Variants in DLGAP1 observed in about 807,000 individuals in gnomAD.
DLGAP1 encodes the protein DLG associated protein 1.
A neutral mutation model predicts 90.8 loss-of-function variants in DLGAP1; 11 were observed. The observed-to-expected ratio is 0.12, with a 90% CI of 0.08 to 0.20. DLGAP1 has a LOEUF of 0.20. DLGAP1 is among the 10% of genes least tolerant of loss of function. DLGAP1 has a pLI of 1.00. For synonymous variants in DLGAP1, 558 were observed against 540.7 expected, an observed-to-expected ratio of 1.03 and a Z score of -0.44; for missense variants, 1,050 against 1,333.8, an observed-to-expected ratio of 0.79 and a Z score of 3.31.
chr18:4,416,222 TC>T (rs1026641017), intron 1 of DLGAP1, among the ~76,000 whole-genome samples: 2 of 152,168 alleles, frequency 1.3e-5, no homozygotes, highest in African/African-American at 4.8e-5. Context: ...ATATTATCTA[TC>T]CTGTCATTAT....
At chr18:4,106,882 A>C (rs2075878268) in intron 2 of DLGAP1, among the ~76,000 whole-genome samples, 1 of 152,250 alleles carries the variant, frequency 6.6e-6, no homozygotes, top group South Asian at 2.1e-4. Context: ...AGAGCTGTCC[A>C]GTGTGCCAAT....
At chr18:4,272,711 G>A (rs1025094377) in intron 1 of DLGAP1, among the ~76,000 whole-genome samples, 3 of 152,198 alleles carry the variant, frequency 2.0e-5, no homozygotes, top group Non-Finnish European at 4.4e-5. Context: ...ACGGGAAAGC[G>A]TTTTATAGTG....
At chr18:3,888,567 A>G (rs78199521) in intron 3 of DLGAP1, among the ~76,000 whole-genome samples, 1 of 151,790 alleles carries the variant, frequency 6.6e-6, no homozygotes, top group Non-Finnish European at 1.5e-5. Context: ...AAAAAAAAAA[A>G]CCAACGACTC....
chr18:4,125,548 G>C (rs2076219659), intron 2 of DLGAP1, among the ~76,000 whole-genome samples: 1 of 152,184 alleles, frequency 6.6e-6, no homozygotes, highest in Non-Finnish European at 1.5e-5. Context: ...GAATAGTGGA[G>C]ACTCAAGAGG....
chr18:3,761,268 C>A (rs966012180), intron 5 of DLGAP1, among the ~76,000 whole-genome samples: 49 of 152,196 alleles, frequency 3.2e-4, no homozygotes, highest in African/African-American at 1.2e-3. Context: ...CAGCCTCTGG[C>A]AACCAACATT....
At chr18:3,501,495 G>C (rs918422367) in intron 12 of DLGAP1, among the ~76,000 whole-genome samples, 2 of 152,162 alleles carry the variant, frequency 1.3e-5, no homozygotes, top group African/African-American at 2.4e-5. Context: ...ACAGTGATGA[G>C]AGCATCACCC....
intron 7 of DLGAP1, among the ~76,000 whole-genome samples, chr18:3,666,908 C>T (rs1010854662): frequency 6.8e-6 from 1 of 147,158 alleles, no homozygotes; most frequent in African/African-American, 2.5e-5. Flanking sequence ...AGGCGCCCAC[C>T]ACTACACCCT....
chr18:4,115,701 T>C (rs1454429960), intron 2 of DLGAP1, among the ~76,000 whole-genome samples: 1 of 152,144 alleles, frequency 6.6e-6, no homozygotes, highest in Non-Finnish European at 1.5e-5. Flanking sequence ...TTAGCCAGGA[T>C]GGTCTCAATT....
intron 12 of DLGAP1, among the ~76,000 whole-genome samples, chr18:3,501,127 A>T (rs1179115634): frequency 6.6e-6 from 1 of 151,792 alleles, no homozygotes; most frequent in African/African-American, 2.4e-5. Flanking sequence ...ATTGTTGCCC[A>T]GGCTGGTTTT....
chr18:3,858,426 T>C (rs2069787399), intron 4 of DLGAP1, among the ~76,000 whole-genome samples: 1 of 151,466 alleles, frequency 6.6e-6, no homozygotes, highest in South Asian at 2.1e-4. Context: ...ATATACTTAG[T>C]GCTCACAAGT....
At chr18:3,756,793 T>C (rs2063734649) in intron 5 of DLGAP1, among the ~76,000 whole-genome samples, 1 of 151,366 alleles carries the variant, frequency 6.6e-6, no homozygotes, top group Admixed American at 6.6e-5. Context: ...CATCAGAAAG[T>C]AAAAAGATTG....
intron 7 of DLGAP1, among the ~76,000 whole-genome samples, chr18:3,600,040 C>A (rs2056810266): frequency 6.6e-6 from 1 of 151,974 alleles, no homozygotes; most frequent in Non-Finnish European, 1.5e-5. Flanking sequence ...CCACTTTAGC[C>A]TCCGGAACAG....
In DLGAP1 at chr18:3,831,732, C is replaced by T. The variant is rs558667917; in HGVS notation, c.958-17459G>A. On this transcript the variant is annotated intron_variant, in intron 4 of 12. Coordinates refer to ENST00000315677, the MANE Select transcript of DLGAP1 (RefSeq NM_004746.4). ...ATCTCCTTTGGCCCATTGCACTTTC[C>T]CAGTTCATCACACTGCAACTATTTA... 1.1e-4 allele frequency among the ~76,000 whole-genome samples: 17 copies of T among 152,274 alleles called. No individual in the cohort carries two copies. In the South Asian group the frequency reaches 3.5e-3, roughly 32 times the overall value.
chr18:3,833,876 AT>A (rs1481976381), intron 4 of DLGAP1, among the ~76,000 whole-genome samples: 1 of 152,232 alleles, frequency 6.6e-6, no homozygotes, highest in Non-Finnish European at 1.5e-5. Flanking sequence ...TAAAAATTCT[AT>A]TGTTGCATTA....
chr18:3,513,976 G>A (rs2050685955), intron 10 of DLGAP1, among the ~76,000 whole-genome samples: 1 of 152,188 alleles, frequency 6.6e-6, no homozygotes, highest in Admixed American at 6.5e-5. Flanking sequence ...CAGTGTGCTG[G>A]TGATCTTTTT....
At chr18:3,813,403 G>A (rs1027562873) in intron 5 of DLGAP1, among the ~76,000 whole-genome samples, 3 of 152,144 alleles carry the variant, frequency 2.0e-5, no homozygotes, top group African/African-American at 7.2e-5. Flanking sequence ...TTTTGTAAGT[G>A]TACTCTATGA....
At chr18:3,534,115 G>A (rs913757526) in intron 10 of DLGAP1, 79 bp downstream of exon 10, 3 of 1,470,672 alleles carry the variant, frequency 2.0e-6, no homozygotes, top group Non-Finnish European at 2.8e-6. Flanking sequence ...AGCTGGCAGA[G>A]AAGAAAACAA....
At chr18:3,650,155 C>T (rs570484105) in intron 7 of DLGAP1, among the ~76,000 whole-genome samples, 4 of 152,232 alleles carry the variant, frequency 2.6e-5, no homozygotes, top group East Asian at 1.9e-4. Context: ...GCGATTCTCC[C>T]GCTCATCCTC....
chr18:3,583,138 T>C (rs554800839), intron 7 of DLGAP1, among the ~76,000 whole-genome samples: 132 of 139,108 alleles, frequency 9.5e-4, no homozygotes, highest in African/African-American at 3.0e-3. Flanking sequence ...TCTGCCTGAC[T>C]GACCGACCTA....
Sources: gnomAD v4.1 joint callset for allele counts (sites outside exome capture counted in the v4.1 genomes callset) on GRCh38, gnomAD v4.1.1 for gene constraint, MANE v1.5 for transcripts, NCBI Gene and HGNC (gene_info 2026-07-23, HGNC 2026-07-21) for gene names.